OLA1: variants seen among roughly 807,000 people sequenced by gnomAD.
OLA1 encodes Obg like ATPase 1, also known as obg-like ATPase 1.
In OLA1, 14 loss-of-function variants were observed where a neutral mutation model predicts 48.4. The ratio of observed to expected loss-of-function variants is 0.29; its 90% CI spans 0.19 to 0.45. OLA1 has a LOEUF of 0.45. Ranked by LOEUF, OLA1 falls within the 20% of genes least tolerant of loss-of-function variation. The pLI is 1.00. For missense variants in OLA1, 325 were observed against 467.1 expected, an observed-to-expected ratio of 0.70 and a Z score of 2.80; for synonymous variants, 127 against 150.4, an observed-to-expected ratio of 0.84 and a Z score of 1.14.
chr2:174,139,929 T>C (rs571511829), intron 5 of OLA1, among the ~76,000 whole-genome samples: 1 of 151,378 alleles, frequency 6.6e-6, no homozygotes, highest in Admixed American at 6.6e-5. Context: ...AGAGTATATC[T>C]ACCTTGCTCT....
chr2:174,122,999 CA>C (rs1685951758), intron 7 of OLA1, among the ~76,000 whole-genome samples, 180 bp downstream of exon 7: 1 of 152,064 alleles, frequency 6.6e-6, no homozygotes, highest in Non-Finnish European at 1.5e-5. Flanking sequence ...TTCTCTAAGT[CA>C]ATTAGAAGAC....
intron 2 of OLA1, among the ~76,000 whole-genome samples, chr2:174,233,310 A>G (rs891462858): frequency 6.6e-6 from 1 of 152,216 alleles, no homozygotes; most frequent in African/African-American, 2.4e-5. Context: ...TTATACAACA[A>G]TGAATACAGT....
chr2:174,220,526 T>C (rs1688476966), intron 4 of OLA1, among the ~76,000 whole-genome samples: 1 of 152,206 alleles, frequency 6.6e-6, no homozygotes, highest in African/African-American at 2.4e-5. Context: ...CACTGTATTA[T>C]AAGCTCATGA....
chr2:174,242,457 C>T (rs764642602), intron 2 of OLA1, among the ~76,000 whole-genome samples: 60 of 152,148 alleles, frequency 3.9e-4, no homozygotes, highest in Admixed American at 1.5e-3. Flanking sequence ...GTTCTTCACA[C>T]GCCACAGATC....
In OLA1 at chr2:174,148,515, G is replaced by GA. The variant is rs1686668253; in HGVS notation, c.374-6516dup. ...CTCATTTAAAAAACTATTTGTTACA[G>GA]AAAAAAAATTAACCATAATAGGCTT... On this transcript the variant is annotated intron_variant, in intron 4 of 10. Transcript: ENST00000284719. Among the ~76,000 whole-genome samples the GA allele has an allele frequency of 1.1e-4, 16 of 152,170 alleles. 1 individual carries two copies. The South Asian group carries it at 3.3e-3, about 32-fold the overall frequency.
intron 2 of OLA1, among the ~76,000 whole-genome samples, chr2:174,237,285 C>A (rs1301406449): frequency 6.6e-6 from 1 of 151,996 alleles, no homozygotes; most frequent in Middle Eastern, 3.4e-3. Context: ...TCCACCTACA[C>A]ATTTTGTCCC....
chr2:174,160,856 C>A (rs755529785), intron 4 of OLA1, among the ~76,000 whole-genome samples: 1 of 152,126 alleles, frequency 6.6e-6, no homozygotes, highest in African/African-American at 2.4e-5. Flanking sequence ...GCAAATTACT[C>A]CGGGATGTGG....
chr2:174,157,206 AAG>A (rs1470553679), intron 4 of OLA1, among the ~76,000 whole-genome samples: 1 of 152,210 alleles, frequency 6.6e-6, no homozygotes, highest in Non-Finnish European at 1.5e-5. Context: ...GTTAATCACA[AAG>A]AGAATGGTGC....
At chr2:174,167,622 A>G (rs1558986472) in intron 4 of OLA1, among the ~76,000 whole-genome samples, 1 of 152,232 alleles carries the variant, frequency 6.6e-6, no homozygotes, top group African/African-American at 2.4e-5. Flanking sequence ...TTCACTTGAT[A>G]AAATGTATTA....
intron 4 of OLA1, among the ~76,000 whole-genome samples, chr2:174,159,065 T>C (rs997033428): frequency 2.0e-5 from 3 of 152,234 alleles, no homozygotes; most frequent in Non-Finnish European, 4.4e-5. Flanking sequence ...TAAAATCAAG[T>C]CATCCAATTA....
intron 4 of OLA1, among the ~76,000 whole-genome samples, chr2:174,153,584 T>C (rs927519484): frequency 1.9e-5 from 2 of 103,704 alleles, no homozygotes; most frequent in African/African-American, 3.7e-5. Context: ...GGTATTTTAC[T>C]TGTACTGTAG....
intron 4 of OLA1, among the ~76,000 whole-genome samples, chr2:174,221,239 G>C (rs141404794): frequency 6.7e-6 from 1 of 148,350 alleles, no homozygotes; most frequent in South Asian, 2.3e-4. Flanking sequence ...ATACAATATA[G>C]TATGTATGCT....
intron 4 of OLA1, chr2:174,172,856 G>C (rs763029033): frequency 6.6e-6 from 1 of 152,434 alleles, no homozygotes; most frequent in Non-Finnish European, 1.5e-5. Flanking sequence ...CCTCATGAAA[G>C]ACTTGGTGCT....
At chr2:174,172,577 T>C (rs12466587) in intron 4 of OLA1, 20,987 of 163,364 alleles carry the variant, frequency 0.13, 1,546 homozygotes, top group East Asian at 0.2. Flanking sequence ...GTATCGGGGA[T>C]ACAGACCATG....
intron 4 of OLA1, among the ~76,000 whole-genome samples, chr2:174,186,764 G>GA (rs1455059607): frequency 6.6e-6 from 1 of 151,744 alleles, no homozygotes; most frequent in Non-Finnish European, 1.5e-5. Flanking sequence ...ACAGTGATAA[G>GA]AAAAAAAGGA....
intron 4 of OLA1, among the ~76,000 whole-genome samples, chr2:174,150,914 G>C (rs1188887366): frequency 2.0e-5 from 3 of 152,090 alleles, no homozygotes; most frequent in Non-Finnish European, 4.4e-5. Context: ...GAAAAAATTA[G>C]AATAGGTTAA....
intron 4 of OLA1, among the ~76,000 whole-genome samples, chr2:174,194,916 A>T (rs1416987900): frequency 1.3e-5 from 2 of 152,148 alleles, no homozygotes; most frequent in Admixed American, 6.5e-5. Context: ...AGGAGTTTTT[A>T]TCTTGTATAC....
intron 4 of OLA1, among the ~76,000 whole-genome samples, chr2:174,180,732 C>T (rs529929941): frequency 3.9e-5 from 6 of 152,248 alleles, no homozygotes; most frequent in Admixed American, 2.0e-4. Flanking sequence ...ACTGGAAATA[C>T]TGCATATATC....
intron 4 of OLA1, among the ~76,000 whole-genome samples, chr2:174,163,777 A>T (rs9636261): frequency 0.063 from 2,018 of 31,880 alleles, 227 homozygotes; most frequent in East Asian, 0.62. Flanking sequence ...TATATATATA[A>T]ATAAATGTTT....
Sources: gnomAD v4.1 joint callset for allele counts (sites outside exome capture counted in the v4.1 genomes callset) on GRCh38, gnomAD v4.1.1 for gene constraint, MANE v1.5 for transcripts, NCBI Gene and HGNC (gene_info 2026-07-23, HGNC 2026-07-21) for gene names.